The following DSCAM variants were observed in gnomAD, a reference collection of about 807,000 sequenced individuals.
DSCAM encodes DS cell adhesion molecule.
In DSCAM, 47 loss-of-function variants were observed where a neutral mutation model predicts 217.7. The observed-to-expected ratio is 0.22, with a 90% CI of 0.17 to 0.28. The LOEUF is 0.28. Ranked by LOEUF, DSCAM falls within the 10% of genes least tolerant of loss-of-function variation. DSCAM has a pLI of 1.00. For synonymous variants in DSCAM, 1,056 were observed against 1,015.3 expected (o/e 1.04, Z -0.76); for missense variants, 2,080 against 2,618.3 (o/e 0.79, Z 4.49).
intron 11 of DSCAM, among the ~76,000 whole-genome samples, chr21:40,237,233 A>G (rs778849217): frequency 6.6e-6 from 1 of 152,140 alleles, no homozygotes; most frequent in Non-Finnish European, 1.5e-5. Flanking sequence ...TTATTATTAT[A>G]CTTTAAGTTC....
At position 40,338,348 on chromosome 21, in the gene DSCAM, G is replaced by A; in HGVS notation, c.1536C>T (p.Asn512=). ...TGTCCCGTCCTGCTATTGCTGTGAT[G>A]TTTTTCATTGGTCGAATGCTTGCAG... ...RGPASIRPMK[N]ITAIAGRDTY... Residue 512 remains asparagine, a synonymous_variant, in exon 8 of 33, where the codon AAC becomes AAT. Transcript: ENST00000400454. 1 of 1,613,820 alleles carries A rather than the reference G, an allele frequency of 6.2e-7. No individual in the cohort carries two copies. The highest frequency in any genetic ancestry group is 8.5e-7 in the Non-Finnish European group (1 of 1,179,706).
chr21:40,345,613 T>C (rs887108652), intron 6 of DSCAM, among the ~76,000 whole-genome samples: 5 of 152,212 alleles, frequency 3.3e-5, no homozygotes, highest in Non-Finnish European at 5.9e-5. Flanking sequence ...TCTCAGATTC[T>C]CCATTGTATC....
At chr21:40,039,835 A>G (rs1398228081) in intron 32 of DSCAM, among the ~76,000 whole-genome samples, 5 of 152,180 alleles carry the variant, frequency 3.3e-5, no homozygotes, top group Non-Finnish European at 7.4e-5. Context: ...ATAAAAAGGG[A>G]AAGAGAAAAA....
At chr21:40,200,016 C>CT (rs369465225) in intron 11 of DSCAM, among the ~76,000 whole-genome samples, 59,399 of 135,038 alleles carry the variant, frequency 0.44, 12,840 homozygotes, top group African/African-American at 0.49. Context: ...CCTCAGGATT[C>CT]TTTTTTTTTT....
At chr21:40,064,107 A>G (rs2089169229) in intron 27 of DSCAM, among the ~76,000 whole-genome samples, 1 of 129,390 alleles carries the variant, frequency 7.7e-6, no homozygotes, top group African/African-American at 3.1e-5. Context: ...ATGATTTAAC[A>G]CTTACAAAGT....
chr21:40,124,645 G>A, intron 19 of DSCAM, among the ~76,000 whole-genome samples: 1 of 152,096 alleles, frequency 6.6e-6, no homozygotes, highest in Non-Finnish European at 1.5e-5. Flanking sequence ...TGTATAGAGG[G>A]AAGATGATGT....
chr21:40,824,403 A>ATTTTTTTTTTTTTT lies in DSCAM; in HGVS notation c.43+22202_43+22215dup, dbSNP rs536114434. On this transcript the variant is annotated intron_variant, in intron 1 of 32. Coordinates refer to ENST00000400454, the MANE Select transcript of DSCAM (RefSeq NM_001389.5). Reference sequence around the variant, plus strand: ...GCTCCCTATCCCATTTTTATTATTGATTTTTTTTTTTTTTTTTGGAGACAG... The same window carrying ATTTTTTTTTTTTTT: ...GCTCCCTATCCCATTTTTATTATTGATTTTTTTTTTTTTTTTTTTTTTTTTTTTTTTGGAGACAG... Among the ~76,000 whole-genome samples, 173 of 120,988 alleles carry ATTTTTTTTTTTTTT rather than the reference A, an allele frequency of 1.4e-3. 4 individuals are homozygous for ATTTTTTTTTTTTTT. Among genetic ancestry groups the ATTTTTTTTTTTTTT allele is most frequent in the Middle Eastern group, 3.8e-3 (1 of 260 alleles). The allele number at this position is 120,988 out of a possible 152,430, so 79.4% of individuals were successfully genotyped here.
intron 3 of DSCAM, among the ~76,000 whole-genome samples, chr21:40,600,546 T>C (rs760783417): frequency 6.6e-6 from 1 of 152,192 alleles, no homozygotes; most frequent in Non-Finnish European, 1.5e-5. Flanking sequence ...CTTATTAATT[T>C]GTCCTTTCAT....
intron 3 of DSCAM, among the ~76,000 whole-genome samples, chr21:40,425,002 G>T (rs1569116894): frequency 6.6e-6 from 1 of 151,972 alleles, no homozygotes; most frequent in Non-Finnish European, 1.5e-5. Context: ...GGAGGCTGAG[G>T]CACAAGGATT....
chr21:40,821,332 C>T, intron 1 of DSCAM, among the ~76,000 whole-genome samples: 1 of 151,906 alleles, frequency 6.6e-6, no homozygotes, highest in Non-Finnish European at 1.5e-5. Context: ...CTTCAGCCTC[C>T]TTCAGATCCA....
At chr21:40,293,731 A>G (rs6517588) in intron 10 of DSCAM, among the ~76,000 whole-genome samples, 8,285 of 152,176 alleles carry the variant, frequency 0.054, 754 homozygotes, top group African/African-American at 0.19. Flanking sequence ...AGGCTGAGGC[A>G]GAAGAATTGC....
intron 3 of DSCAM, among the ~76,000 whole-genome samples, chr21:40,503,374 GA>G: frequency 6.6e-6 from 1 of 152,170 alleles, no homozygotes; most frequent in Middle Eastern, 3.2e-3. Flanking sequence ...CCCTCTTATG[GA>G]TGCATCTGAC....
intron 3 of DSCAM, among the ~76,000 whole-genome samples, chr21:40,685,274 G>C (rs1256674472): frequency 6.6e-6 from 1 of 152,196 alleles, no homozygotes; most frequent in Admixed American, 6.5e-5. Context: ...GTCTTATGAA[G>C]GGCTGCTTGC....
intron 10 of DSCAM, among the ~76,000 whole-genome samples, chr21:40,287,580 A>G (rs184384329): frequency 6.6e-6 from 1 of 152,274 alleles, no homozygotes; most frequent in African/African-American, 2.4e-5. Flanking sequence ...TTTCCCCTCC[A>G]TCTTGCATGG....
chr21:40,048,319 C>CTGAT (rs996598661), intron 30 of DSCAM, among the ~76,000 whole-genome samples: 43 of 150,154 alleles, frequency 2.9e-4, no homozygotes, highest in African/African-American at 8.8e-4. Context: ...AACTTGATGG[C>CTGAT]TGATTGGTAT....
intron 3 of DSCAM, among the ~76,000 whole-genome samples, chr21:40,538,783 G>T (rs1568888744): frequency 6.6e-6 from 1 of 152,100 alleles, no homozygotes; most frequent in Non-Finnish European, 1.5e-5. Flanking sequence ...GGGGAACATG[G>T]AGCACAAGGG....
intron 2 of DSCAM, among the ~76,000 whole-genome samples, chr21:40,706,069 T>C (rs1192721108): frequency 1.3e-5 from 2 of 151,380 alleles, no homozygotes; most frequent in Non-Finnish European, 2.9e-5. Context: ...TAGTCCCAGC[T>C]ACTCTGGAGG....
intron 3 of DSCAM, among the ~76,000 whole-genome samples, chr21:40,461,857 C>G (rs73902633): frequency 4.7e-4 from 72 of 152,296 alleles, no homozygotes; most frequent in African/African-American, 1.5e-3. Flanking sequence ...CAAGTTGTCT[C>G]AAAAAGCTGG....
intron 4 of DSCAM, among the ~76,000 whole-genome samples, chr21:40,362,187 G>A (rs2074774490): frequency 6.6e-6 from 1 of 151,998 alleles, no homozygotes; most frequent in East Asian, 1.9e-4. Context: ...GGACATTTGG[G>A]TTGGTTCCAA....
Sources: allele counts gnomAD v4.1 joint callset (sites outside exome capture counted in the v4.1 genomes callset), GRCh38; gene constraint gnomAD v4.1.1; transcripts MANE v1.5; gene names NCBI Gene and HGNC (gene_info 2026-07-23, HGNC 2026-07-21).